CSMD1: variants seen among roughly 807,000 people sequenced by gnomAD.
CSMD1 encodes CUB and sushi domain-containing protein 1.
In CSMD1, 213 loss-of-function variants were observed where a neutral mutation model predicts 417.5. That is an observed-to-expected ratio of 0.51 (90% CI 0.46 to 0.57). The LOEUF (loss-of-function observed/expected upper bound fraction) is 0.57, where lower values mean the gene tolerates loss of function less well. CSMD1 is among the 20% of genes least tolerant of loss of function. The pLI, the probability that CSMD1 is intolerant of heterozygous loss-of-function variation, is 0.00. For missense variants in CSMD1, 6,923 were observed against 4,529.7 expected, an observed-to-expected ratio of 1.53 and a Z score of -15.17; for synonymous variants, 2,862 against 1,736.8, an observed-to-expected ratio of 1.65 and a Z score of -16.11.
chr8:4,532,972 TCA>T (rs1457776993), intron 2 of CSMD1, among the ~76,000 whole-genome samples: 1 of 151,916 alleles, frequency 6.6e-6, no homozygotes, highest in East Asian at 1.9e-4. Flanking sequence ...GCACCGTCAT[TCA>T]CAGTCACTCT....
chr8:3,681,314 T>C (rs975675124), intron 7 of CSMD1, among the ~76,000 whole-genome samples: 13 of 152,206 alleles, frequency 8.5e-5, no homozygotes, highest in African/African-American at 3.1e-4. Context: ...CAAAATCTCC[T>C]TAAGCTGATA....
chr8:4,178,482 T>G (rs1434958683), intron 3 of CSMD1, among the ~76,000 whole-genome samples: 2 of 151,248 alleles, frequency 1.3e-5, no homozygotes, highest in Non-Finnish European at 2.9e-5. Context: ...TCATACTGAA[T>G]GGGCAAAAAC....
chr8:4,132,207 TTTTTTTTTC>T (rs1291895053), intron 3 of CSMD1, among the ~76,000 whole-genome samples: 1 of 45,250 alleles, frequency 2.2e-5, no homozygotes, highest in Non-Finnish European at 5.9e-5. Flanking sequence ...TTTTTTTTTT[TTTTTTTTTC>T]ACGGGGTAGT....
intron 2 of CSMD1, among the ~76,000 whole-genome samples, chr8:4,430,993 G>C (rs188066250): frequency 3.3e-5 from 5 of 152,004 alleles, no homozygotes; most frequent in Non-Finnish European, 7.4e-5. Flanking sequence ...CCTCAGTTAT[G>C]CCACTTTTCT....
At chr8:4,123,161 G>T (rs756977828) in intron 3 of CSMD1, among the ~76,000 whole-genome samples, 2 of 152,240 alleles carry the variant, frequency 1.3e-5, no homozygotes, top group Non-Finnish European at 2.9e-5. Context: ...AGTCCATGCT[G>T]AGATGTTTTT....
intron 8 of CSMD1, among the ~76,000 whole-genome samples, chr8:3,586,624 T>C (rs766433069): frequency 2.0e-5 from 3 of 152,154 alleles, no homozygotes; most frequent in Non-Finnish European, 1.5e-5. Flanking sequence ...GGAAGTTGGA[T>C]GTCATTCATC....
chr8:3,868,338 G>T (rs947383324), intron 5 of CSMD1, among the ~76,000 whole-genome samples: 1 of 151,948 alleles, frequency 6.6e-6, no homozygotes, highest in Non-Finnish European at 1.5e-5. Flanking sequence ...TTTATTTTTT[G>T]CCTTCCTTTC....
intron 3 of CSMD1, among the ~76,000 whole-genome samples, chr8:4,285,753 T>G (rs1170654641): frequency 1.3e-5 from 2 of 152,180 alleles, no homozygotes; most frequent in East Asian, 3.9e-4. Flanking sequence ...ACTTCAGAGG[T>G]CAAAATAGCT....
chr8:4,111,754 C>A (rs534103239), intron 3 of CSMD1, among the ~76,000 whole-genome samples: 66 of 152,218 alleles, frequency 4.3e-4, no homozygotes, highest in African/African-American at 1.5e-3. Flanking sequence ...CAACAACACA[C>A]ACTGGGAACT....
At position 4,029,364 on chromosome 8, in the gene CSMD1, C is replaced by A. The variant is rs537871129; in HGVS notation, c.610+2541G>T. 1.1e-4 allele frequency among the ~76,000 whole-genome samples: 17 copies of A among 152,282 alleles called. No individual in the cohort carries two copies. The South Asian group carries it at 1.2e-3, about 11-fold the overall frequency. ...ACAAAAGAGAGGTTTGATGGACATACAGTTCTATATGGCTGGGGAAGCCTC... is the reference window on the plus strand; with the variant it reads ...ACAAAAGAGAGGTTTGATGGACATAAAGTTCTATATGGCTGGGGAAGCCTC... On this transcript the variant is annotated intron_variant, in intron 4 of 69. Transcript: ENST00000635120.
chr8:3,178,522 C>T (rs893828377), intron 37 of CSMD1, among the ~76,000 whole-genome samples: 5 of 152,070 alleles, frequency 3.3e-5, no homozygotes, highest in African/African-American at 4.8e-5. Flanking sequence ...AAATGGTATT[C>T]GTAATAAAAT....
intron 3 of CSMD1, among the ~76,000 whole-genome samples, chr8:4,115,486 T>C (rs1310515058): frequency 6.6e-6 from 1 of 151,832 alleles, no homozygotes; most frequent in South Asian, 2.1e-4. Flanking sequence ...TTAGACGTAT[T>C]TTTTTACAAC....
intron 4 of CSMD1, among the ~76,000 whole-genome samples, chr8:4,016,487 C>G (rs1322546404): frequency 6.6e-6 from 1 of 152,044 alleles, no homozygotes; most frequent in Non-Finnish European, 1.5e-5. Context: ...ATGCAAGCTT[C>G]CTGGAGGACA....
rs143919181 is a variant in CSMD1, at chr8:4,554,602, G to A, written c.302+82740C>T. On this transcript the variant is annotated intron_variant, in intron 2 of 69. Coordinates refer to ENST00000635120, the MANE Select transcript of CSMD1 (RefSeq NM_033225.6). ...ATATGACATTTAAATATCATACACCGTTCTCAGGATGTGTTGATTTTACCT... is the reference window on the plus strand; with the variant it reads ...ATATGACATTTAAATATCATACACCATTCTCAGGATGTGTTGATTTTACCT... Among the ~76,000 whole-genome samples the A allele has an allele frequency of 6.2e-4, 95 of 152,262 alleles. 1 individual carries two copies. The highest frequency in any genetic ancestry group is 1.9e-3 in the African/African-American group (80 of 41,546).
chr8:4,369,171 C>CT (rs1156500596), intron 3 of CSMD1, among the ~76,000 whole-genome samples: 1 of 152,054 alleles, frequency 6.6e-6, no homozygotes, highest in Non-Finnish European at 1.5e-5. Flanking sequence ...GTTTCAAAAA[C>CT]TTTTTTTGAT....
At chr8:4,135,427 A>C in intron 3 of CSMD1, among the ~76,000 whole-genome samples, 1 of 147,238 alleles carries the variant, frequency 6.8e-6, no homozygotes. Flanking sequence ...AAGGAAGGGG[A>C]AGGAGGGAAG....
intron 2 of CSMD1, among the ~76,000 whole-genome samples, chr8:4,602,139 T>A (rs1261048986): frequency 6.6e-6 from 1 of 152,154 alleles, no homozygotes; most frequent in African/African-American, 2.4e-5. Context: ...CTCCCCCAGT[T>A]CCCTAAGGTG....
At position 4,873,091 on chromosome 8, in the gene CSMD1, T is replaced by C. The variant is rs536238337; in HGVS notation, c.85+121241A>G. 7.9e-5 allele frequency among the ~76,000 whole-genome samples: 12 copies of C among 152,232 alleles called. 1 individual carries two copies. The South Asian group carries it at 1.9e-3, about 24-fold the overall frequency. On this transcript the variant is annotated intron_variant, in intron 1 of 69. Coordinates refer to ENST00000635120, the MANE Select transcript of CSMD1 (RefSeq NM_033225.6). Reference sequence around the variant, plus strand: ...GATGTTTTCGTATATGTATACATTGTAACATGGTTACCAAAATGAAGGTAT... The same window carrying C: ...GATGTTTTCGTATATGTATACATTGCAACATGGTTACCAAAATGAAGGTAT...
chr8:2,962,243 T>C (rs1803554943), intron 61 of CSMD1, among the ~76,000 whole-genome samples: 1 of 152,200 alleles, frequency 6.6e-6, no homozygotes, highest in South Asian at 2.1e-4. Context: ...GTCTAGTAGC[T>C]ACTTTAGCAG....
Sources: gnomAD v4.1 joint callset for allele counts (sites outside exome capture counted in the v4.1 genomes callset) on GRCh38, gnomAD v4.1.1 for gene constraint, MANE v1.5 for transcripts, NCBI Gene and HGNC (gene_info 2026-07-23, HGNC 2026-07-21) for gene names.